Variants in KSR2 observed in about 807,000 individuals in gnomAD.
The protein encoded by KSR2 is kinase suppressor of ras 2.
Under a neutral mutation model 107.8 loss-of-function variants are expected in KSR2, and 25 were observed. The ratio of observed to expected loss-of-function variants is 0.23; its 90% CI spans 0.17 to 0.32. The LOEUF is 0.32. Among genes scored for constraint, KSR2 ranks in the 10% least tolerant of loss-of-function variants. KSR2 has a pLI of 1.00. For synonymous variants in KSR2, 480 were observed against 507.0 expected (o/e 0.95, Z 0.71); for missense variants, 887 against 1,268.9 (o/e 0.70, Z 4.57).
intron 1 of KSR2, among the ~76,000 whole-genome samples, chr12:117,943,030 G>T (rs1242220149): frequency 6.6e-6 from 1 of 152,108 alleles, no homozygotes; most frequent in Non-Finnish European, 1.5e-5. Context: ...CAACTTTTCA[G>T]GGGAAATGAG....
intron 1 of KSR2, among the ~76,000 whole-genome samples, chr12:117,951,676 G>T (rs568764046): frequency 1.3e-5 from 2 of 152,306 alleles, no homozygotes; most frequent in South Asian, 4.1e-4. Context: ...ACTCATCAGA[G>T]GTCTTTGGGA....
intron 9 of KSR2, among the ~76,000 whole-genome samples, chr12:117,545,975 G>C (rs1472387030): frequency 6.6e-6 from 1 of 152,082 alleles, no homozygotes; most frequent in Non-Finnish European, 1.5e-5. Context: ...ACATCAGAAA[G>C]TGTTACAATT....
intron 10 of KSR2, chr12:117,539,384 C>T (rs1190531471): frequency 3.6e-6 from 1 of 275,576 alleles, no homozygotes; most frequent in East Asian, 7.3e-5. Context: ...CCTTCTGTGA[C>T]TTAGACTTAG....
At chr12:117,663,832 C>T (rs1884538118) in intron 5 of KSR2, among the ~76,000 whole-genome samples, 1 of 152,260 alleles carries the variant, frequency 6.6e-6, no homozygotes, top group African/African-American at 2.4e-5. Context: ...CAGAGATAGC[C>T]TACAAGGAGC....
chr12:117,475,135 A>G (rs1104863), intron 17 of KSR2, among the ~76,000 whole-genome samples: 30,184 of 151,918 alleles, frequency 0.2, 3,244 homozygotes, highest in African/African-American at 0.26. Context: ...TCTTCATTCC[A>G]TTCTCTACTC....
intron 14 of KSR2, among the ~76,000 whole-genome samples, chr12:117,518,598 C>G (rs1481156779): frequency 6.6e-6 from 1 of 152,218 alleles, no homozygotes; most frequent in Non-Finnish European, 1.5e-5. Context: ...TCTTGGCCAT[C>G]AGGAAACCCC....
At chr12:117,734,938 T>A (rs1019850202) in intron 4 of KSR2, among the ~76,000 whole-genome samples, 2 of 152,300 alleles carry the variant, frequency 1.3e-5, no homozygotes, top group South Asian at 2.1e-4. Flanking sequence ...GGTTACTTTG[T>A]GTCTATCATG....
At chr12:117,848,754 G>A (rs1445982716) in intron 3 of KSR2, among the ~76,000 whole-genome samples, 1 of 152,134 alleles carries the variant, frequency 6.6e-6, no homozygotes, top group African/African-American at 2.4e-5. Context: ...TGGTGATGGT[G>A]ATGGCGATGA....
At chr12:117,634,949 C>A (rs1882993058) in intron 5 of KSR2, among the ~76,000 whole-genome samples, 1 of 152,154 alleles carries the variant, frequency 6.6e-6, no homozygotes, top group Non-Finnish European at 1.5e-5. Flanking sequence ...TGCAATGGCT[C>A]CAGAGACCTG....
chr12:117,498,048 T>C (rs764163578), intron 14 of KSR2, among the ~76,000 whole-genome samples: 6 of 152,168 alleles, frequency 3.9e-5, no homozygotes, highest in Admixed American at 6.5e-5. Flanking sequence ...AGAGACATGA[T>C]TTACAAATGA....
At chr12:117,579,022 G>T in intron 7 of KSR2, 97 bp downstream of exon 7, 1 of 851,072 alleles carries the variant, frequency 1.2e-6, no homozygotes, top group Non-Finnish European at 2.0e-6. Context: ...TCTCCCAAGA[G>T]TGAAGAAATC....
rs556819125 is a variant in KSR2, at chr12:117,536,389, T to C, written c.1687+3330A>G. On this transcript the variant is annotated intron_variant, in intron 10 of 19. Transcript: ENST00000339824. ...ACCTAAGACACAGGGTAGGCCCAAC[T>C]GTACTTCCAAAAGGTTCTGTTTTGT... Among the ~76,000 whole-genome samples the C allele has an allele frequency of 2.6e-5, 4 of 152,304 alleles. No homozygotes were observed. The East Asian group carries it at 7.7e-4, about 29-fold the overall frequency.
At chr12:117,858,441 A>T (rs1338817657) in intron 2 of KSR2, among the ~76,000 whole-genome samples, 3 of 152,070 alleles carry the variant, frequency 2.0e-5, no homozygotes, top group African/African-American at 7.2e-5. Context: ...TGATGTGCAT[A>T]TGCAAGATGG....
At chr12:117,504,883 T>C (rs138468953) in intron 14 of KSR2, among the ~76,000 whole-genome samples, 42 of 152,208 alleles carry the variant, frequency 2.8e-4, no homozygotes, top group Non-Finnish European at 5.1e-4. Context: ...GTACCCAATA[T>C]GTAGTTTTTA....
intron 5 of KSR2, among the ~76,000 whole-genome samples, chr12:117,582,765 C>T (rs977391711): frequency 6.6e-6 from 1 of 152,182 alleles, no homozygotes; most frequent in African/African-American, 2.4e-5. Flanking sequence ...AAGTCACTTG[C>T]TCTAGGTCAT....
At chr12:117,621,292 T>C (rs917708804) in intron 5 of KSR2, among the ~76,000 whole-genome samples, 4 of 152,212 alleles carry the variant, frequency 2.6e-5, no homozygotes, top group African/African-American at 7.2e-5. Flanking sequence ...TGCAGAGCTG[T>C]GAGTCAATTA....
intron 1 of KSR2, among the ~76,000 whole-genome samples, chr12:117,870,542 T>C (rs901853872): frequency 6.6e-6 from 1 of 151,856 alleles, no homozygotes; most frequent in South Asian, 2.1e-4. Context: ...GAGGCTGCAG[T>C]AAGCCGAGAT....
chr12:117,583,995 GCTCCT>G (rs1057512698), intron 5 of KSR2, among the ~76,000 whole-genome samples: 34 of 152,272 alleles, frequency 2.2e-4, no homozygotes, highest in Non-Finnish European at 4.4e-5. Flanking sequence ...CAACCTACTC[GCTCCT>G]CTATTCTGTC....
intron 4 of KSR2, among the ~76,000 whole-genome samples, chr12:117,733,068 GA>G (rs1887795200): frequency 6.6e-6 from 1 of 152,152 alleles, no homozygotes; most frequent in African/African-American, 2.4e-5. Context: ...TGGAAAATAG[GA>G]AGAAAGGGGC....
Sources: gnomAD v4.1 joint callset for allele counts (sites outside exome capture counted in the v4.1 genomes callset) on GRCh38, gnomAD v4.1.1 for gene constraint, MANE v1.5 for transcripts, NCBI Gene and HGNC (gene_info 2026-07-23, HGNC 2026-07-21) for gene names.